Variants in EVC observed in about 807,000 individuals in gnomAD.
The protein encoded by EVC is EvC ciliary complex subunit 1.
Under a neutral mutation model 118.9 loss-of-function variants are expected in EVC, and 116 were observed. The observed-to-expected ratio is 0.98, with a 90% confidence interval of 0.84 to 1.14. The LOEUF is 1.14. EVC is among the 50% of genes most tolerant of loss of function. The pLI is 0.00. For synonymous variants in EVC, 619 were observed against 534.7 expected (o/e 1.16, Z -2.18); for missense variants, 1,401 against 1,246.4 (o/e 1.12, Z -1.87).
In EVC at chr4:5,798,034, C is replaced by T. The variant is rs897210091; in HGVS notation, c.2098-552C>T. Among the ~76,000 whole-genome samples the T allele has an allele frequency of 6.6e-6, 1 of 152,132 alleles. No individual in the cohort carries two copies. Among genetic ancestry groups the T allele is most frequent in the Non-Finnish European group, 1.5e-5 (1 of 68,028 alleles). ...TTTGACCCATGAATGAGGCACAAGC[C>T]CACAGTCTCTTAAGCTCTATCCAGG... is the stretch of plus-strand genomic sequence containing the variant. On this transcript the variant is annotated intron_variant, in intron 14 of 20. Transcript: ENST00000264956. The surrounding 1 kb of genome is among the most constrained non-coding windows in gnomAD (Gnocchi z 4.1).
At chr4:5,785,641 G>A (rs1183744246) in intron 12 of EVC, among the ~76,000 whole-genome samples, 1 of 152,174 alleles carries the variant, frequency 6.6e-6, no homozygotes, top group Non-Finnish European at 1.5e-5. Context: ...TGACTTGTCT[G>A]TCTCCTGCAT....
At chr4:5,815,249 C>G (rs1303123577), downstream of EVC, among the ~76,000 whole-genome samples, 3 of 152,202 alleles carry the variant, frequency 2.0e-5, no homozygotes, top group Non-Finnish European at 2.9e-5. Context: ...GAAGTGTGAG[C>G]TCCATGAGCT....
chr4:5,748,703 T>TCCAC (rs1729840408), intron 8 of EVC, among the ~76,000 whole-genome samples: 1 of 83,216 alleles, frequency 1.2e-5, no homozygotes, highest in South Asian at 4.4e-4. Context: ...CATCCACCCG[T>TCCAC]CCACCCATCC....
At chr4:5,788,997 C>G (rs1201273790) in intron 12 of EVC, among the ~76,000 whole-genome samples, 1 of 152,156 alleles carries the variant, frequency 6.6e-6, no homozygotes, top group Non-Finnish European at 1.5e-5. Context: ...TTGGACGTCC[C>G]TGTTTTAAGA....
At position 5,742,639 on chromosome 4, in the gene EVC, C is replaced by G. The variant is rs555574438; in HGVS notation, c.801+825C>G. On this transcript the variant is annotated intron_variant, in intron 6 of 20. Transcript: ENST00000264956. This position sits in a 1 kb window ranked among gnomAD's most constrained non-coding sequence, Gnocchi z 5.2. ...CCAACACCATCACCATCCTCATGTC[C>G]TCATTACCATCATCATGAGCATCAT... 1.3e-5 allele frequency among the ~76,000 whole-genome samples: 2 copies of G among 152,278 alleles called. No homozygotes were observed. The highest frequency in any genetic ancestry group is 2.1e-4 in the South Asian group (1 of 4,820).
At chr4:5,784,917 T>A (rs1037743812) in intron 12 of EVC, among the ~76,000 whole-genome samples, 3 of 152,132 alleles carry the variant, frequency 2.0e-5, no homozygotes, top group African/African-American at 7.2e-5. Context: ...CCAGATTGAT[T>A]TTATCTTTAA....
chr4:5,713,941 C>T (rs1164257219), intron 1 of EVC, among the ~76,000 whole-genome samples: 3 of 152,204 alleles, frequency 2.0e-5, no homozygotes, highest in Non-Finnish European at 4.4e-5. Context: ...GCCCAGTTTT[C>T]TAGCATGGTG....
chr4:5,824,476 A>C, the EVC span: 1 of 985,116 alleles, frequency 1.0e-6, no homozygotes. Context: ...CTGAATTCAC[A>C]CGTCATCCTC....
At position 5,731,692 on chromosome 4, in the gene EVC, A is replaced by G. The variant is rs750229923; in HGVS notation, c.617+35A>G. ...GCGGGCAATGGAGGATGAGGCTTCC[A>G]GTCCTCTTGGAGTGGGCCGGGAGTC... On this transcript the variant is annotated intron_variant, in intron 4 of 20. Transcript: ENST00000264956. This position sits in a 1 kb window ranked among gnomAD's most constrained non-coding sequence, Gnocchi z 5.6. 15 of 1,584,684 alleles carry G rather than the reference A, an allele frequency of 9.5e-6. 1 individual carries two copies. In the South Asian group the frequency reaches 1.0e-4, roughly 11 times the overall value.
chr4:5,793,720 G>T lies in EVC; in HGVS notation c.1886+3G>T. 1 of 1,548,104 alleles carries T rather than the reference G, an allele frequency of 6.5e-7. No homozygotes were observed. Among genetic ancestry groups the T allele is most frequent in the Non-Finnish European group, 8.7e-7 (1 of 1,145,370 alleles). On this transcript the variant is annotated splice_donor_region_variant and intron_variant, in intron 13 of 20. Coordinates refer to ENST00000264956, the MANE Select transcript of EVC (RefSeq NM_153717.3). ...CGACTGGGCGGCCTCACTGAAGAGT[G>T]AGTACAGCTCCCTGAAGGCCCAGGG...
At chr4:5,753,681 G>T in intron 9 of EVC, 104 bp from the exon 10 acceptor site, 1 of 1,490,596 alleles carries the variant, frequency 6.7e-7, no homozygotes, top group Non-Finnish European at 9.4e-7. Context: ...CTCTGCAGCC[G>T]ACACCAGCTT....
rs760166925 is a variant in EVC, at chr4:5,797,022, G to A, written c.1887G>A (p.Glu629=). The change falls in exon 14 of 21, where the codon GAG becomes GAA. Residue 629 remains glutamate (E), a splice_region_variant and synonymous_variant. Transcript: ENST00000264956. ...VLGRLGGLTE[E]STRCVLQGHD... ...CACCCCTCACCTGCTTTCCTCAAAG[G>A]TCCACGCGGTGTGTCCTGCAGGGGC... 1 of 1,611,950 alleles carries A rather than the reference G, an allele frequency of 6.2e-7. No homozygotes were observed. Among genetic ancestry groups the A allele is most frequent in the African/African-American group, 1.3e-5 (1 of 74,960 alleles).
intron 11 of EVC, among the ~76,000 whole-genome samples, chr4:5,767,818 A>G (rs548835983): frequency 6.6e-6 from 1 of 152,166 alleles, no homozygotes; most frequent in African/African-American, 2.4e-5. Flanking sequence ...CCCTAGTGAG[A>G]TGAACCCAGT....
At chr4:5,776,859 T>C (rs538504322) in intron 11 of EVC, among the ~76,000 whole-genome samples, 1 of 152,220 alleles carries the variant, frequency 6.6e-6, no homozygotes, top group Non-Finnish European at 1.5e-5. Flanking sequence ...GTTGGCTCTT[T>C]TTAAACTAAG....
rs1374019512 is a variant in EVC, at chr4:5,789,980, A to T, written c.1777-3628A>T. Reference sequence around the variant, plus strand: ...TAGATCACCTGAGATCAAGAGTTCGAGACCAGCCTGGCCTACATAGCGAAA... The same window carrying T: ...TAGATCACCTGAGATCAAGAGTTCGTGACCAGCCTGGCCTACATAGCGAAA... On this transcript the variant is annotated intron_variant, in intron 12 of 20. Coordinates refer to ENST00000264956, the MANE Select transcript of EVC (RefSeq NM_153717.3). This position sits in a 1 kb window ranked among gnomAD's most constrained non-coding sequence, Gnocchi z 4.3. Among the ~76,000 whole-genome samples the T allele has an allele frequency of 6.6e-6, 1 of 152,152 alleles. No homozygotes were observed. The highest frequency in any genetic ancestry group is 6.5e-5 in the Admixed American group (1 of 15,274).
Position 5,801,703 on chromosome 4 carries a change from A to C in EVC, c.2305-247A>C. The C allele has an allele frequency of 1.1e-5, 5 of 452,344 alleles. No individual in the cohort carries two copies. The East Asian group carries it at 1.2e-4, about 11-fold the overall frequency. 28.0% of individuals were successfully genotyped at this position (452,344 alleles called of 1,614,324 possible). On this transcript the variant is annotated intron_variant, in intron 15 of 20. Transcript: ENST00000264956. ...AAAAAAAAAAAAAAAGATGCGGGGA[A>C]GGCCTCTTAGCCGACTTTCCCTAAC...
Position 5,719,466 on chromosome 4 carries a change from C to A in EVC, c.300+93C>A. 2 of 1,584,556 alleles carry A rather than the reference C, an allele frequency of 1.3e-6. No homozygotes were observed. The highest frequency in any genetic ancestry group is 3.3e-5 in the Admixed American group (2 of 59,846). On this transcript the variant is annotated intron_variant, in intron 2 of 20. Coordinates refer to ENST00000264956, the MANE Select transcript of EVC (RefSeq NM_153717.3). The surrounding 1 kb of genome is among the most constrained non-coding windows in gnomAD (Gnocchi z 4.7). ...GGGTGTCATGTAGACAAGCCTCTGA[C>A]AGATATAGTTTCCCAATGGGCTGCT...
intron 11 of EVC, among the ~76,000 whole-genome samples, chr4:5,783,332 G>C (rs1203942559): frequency 6.7e-6 from 1 of 148,358 alleles, no homozygotes. Flanking sequence ...GTGTGTGCAT[G>C]TGGGGGAGTT....
chr4:5,786,708 C>T (rs1349543199), intron 12 of EVC, among the ~76,000 whole-genome samples: 1 of 151,984 alleles, frequency 6.6e-6, no homozygotes, highest in Non-Finnish European at 1.5e-5. Context: ...CCCGTCTCTA[C>T]TAAAAATACA....
Sources: allele counts gnomAD v4.1 joint callset (sites outside exome capture counted in the v4.1 genomes callset), GRCh38; gene constraint gnomAD v4.1.1; non-coding constraint Gnocchi (gnomAD v3.1); transcripts MANE v1.5; gene names NCBI Gene and HGNC (gene_info 2026-07-23, HGNC 2026-07-21).